Variants in SAMSN1 observed in about 807,000 individuals in gnomAD.
SAMSN1 encodes the protein SAM domain-containing protein SAMSN-1.
Under a neutral mutation model 42.0 loss-of-function variants are expected in SAMSN1, and 31 were observed. The ratio of observed to expected loss-of-function variants is 0.74; its 90% CI spans 0.55 to 1.00. SAMSN1 has a LOEUF of 1.00. Among genes scored for constraint, SAMSN1 ranks in the 50% least tolerant of loss-of-function variants. SAMSN1 has a pLI of 0.00. For missense variants in SAMSN1, 464 were observed against 439.4 expected, an observed-to-expected ratio of 1.06 and a Z score of -0.50; for synonymous variants, 178 against 151.9, an observed-to-expected ratio of 1.17 and a Z score of -1.26.
At chr21:14,520,932 T>C (rs1978423768) in intron 2 of SAMSN1, among the ~76,000 whole-genome samples, 1 of 152,108 alleles carries the variant, frequency 6.6e-6, no homozygotes, top group African/African-American at 2.4e-5. Flanking sequence ...CTACAATGTG[T>C]CTGTGTGCCT....
chr21:14,487,357 A>C (rs988360189), intron 7 of SAMSN1, among the ~76,000 whole-genome samples: 3 of 120,318 alleles, frequency 2.5e-5, no homozygotes, highest in African/African-American at 1.6e-4. Context: ...TTATATATAT[A>C]TATCTATCTT....
chr21:14,487,357 A>ATC (rs1275404488), intron 7 of SAMSN1, among the ~76,000 whole-genome samples: 2 of 120,318 alleles, frequency 1.7e-5, no homozygotes, highest in East Asian at 5.1e-4. Context: ...TTATATATAT[A>ATC]TATCTATCTT....
At chr21:14,637,004 T>TGAA (rs1340215482) in intron 2 of SAMSN1, among the ~76,000 whole-genome samples, 1 of 152,184 alleles carries the variant, frequency 6.6e-6, no homozygotes, top group African/African-American at 2.4e-5. Flanking sequence ...CTTCCCTAAG[T>TGAA]GAAGAGGAGA....
chr21:14,491,932 T>G (rs1986704317), intron 7 of SAMSN1, among the ~76,000 whole-genome samples: 1 of 152,222 alleles, frequency 6.6e-6, no homozygotes, highest in Admixed American at 6.5e-5. Context: ...ATCTACAATT[T>G]GCTTTCACAT....
At chr21:14,537,553 T>C (rs181614978) in intron 1 of SAMSN1, among the ~76,000 whole-genome samples, 4 of 152,228 alleles carry the variant, frequency 2.6e-5, no homozygotes, top group Admixed American at 1.3e-4. Flanking sequence ...GATAAATGAA[T>C]GAACGAATGC....
chr21:14,499,243 GA>G (rs889676126), intron 6 of SAMSN1, among the ~76,000 whole-genome samples: 1 of 152,044 alleles, frequency 6.6e-6, no homozygotes, highest in Non-Finnish European at 1.5e-5. Context: ...TCCGTCATTT[GA>G]ATCAATATGT....
rs529482832 is a variant in SAMSN1, at chr21:14,515,624, CA to C, written c.279+1267del. On this transcript the variant is annotated intron_variant, in intron 3 of 7. Coordinates refer to ENST00000400566, the MANE Select transcript of SAMSN1 (RefSeq NM_022136.5). ...ATATGTTACCAAAAGCACAAGTGAC[CA>C]AAAAAAGATAATTGGACTACAATAA... Among the ~76,000 whole-genome samples, 497 of 151,510 alleles carry C rather than the reference CA, an allele frequency of 3.3e-3. 3 individuals are homozygous for C. Among genetic ancestry groups the C allele is most frequent in the Non-Finnish European group, 5.2e-3 (354 of 67,860 alleles).
chr21:14,563,182 A>G (rs1446993718), intron 2 of SAMSN1, among the ~76,000 whole-genome samples: 1 of 152,030 alleles, frequency 6.6e-6, no homozygotes, highest in Admixed American at 6.6e-5. Context: ...CCTGAGACAC[A>G]ACATGTCTTT....
chr21:14,582,032 T>G lies in SAMSN1; in HGVS notation c.261+104A>C, dbSNP rs1387893902. On this transcript the variant is annotated intron_variant, in intron 2 of 8. Coordinates refer to the SAMSN1 transcript ENST00000285670. ...ACAACTCTTGCTCTGGTAACTTTTC[T>G]GAAACTGATAAATTTCACTGATTAG... The G allele has an allele frequency of 6.9e-6, 8 of 1,163,156 alleles. No individual in the cohort carries two copies. In the African/African-American group the frequency reaches 1.2e-4, roughly 18 times the overall value. The allele number at this position is 1,163,156 out of a possible 1,614,324, so 72.1% of individuals were successfully genotyped here.
At chr21:14,493,112 GGGCAGGCAGGCA>G (rs762533564) in intron 7 of SAMSN1, among the ~76,000 whole-genome samples, 4 of 152,084 alleles carry the variant, frequency 2.6e-5, no homozygotes, top group Non-Finnish European at 5.9e-5. Context: ...GCATCGACTT[GGGCAGGCAGGCA>G]GGCAGGCAGG....
intron 5 of SAMSN1, among the ~76,000 whole-genome samples, chr21:14,607,523 T>C (rs1982597407): frequency 1.3e-5 from 2 of 152,196 alleles, no homozygotes; most frequent in African/African-American, 2.4e-5. Context: ...AAATGTCTGC[T>C]GAGGTTCTTG....
chr21:14,584,885 T>G (rs1156873623), upstream of SAMSN1, among the ~76,000 whole-genome samples: 1 of 152,234 alleles, frequency 6.6e-6, no homozygotes, highest in Non-Finnish European at 1.5e-5. Context: ...GTAAAGGATA[T>G]CTGACATGCA....
Position 14,519,759 on chromosome 21 carries a change from A to G in SAMSN1, c.129+1391T>C, listed in dbSNP as rs73173225. Among the ~76,000 whole-genome samples the G allele has an allele frequency of 3.1e-3, 471 of 152,300 alleles. 2 individuals are homozygous for G. Among genetic ancestry groups the G allele is most frequent in the Middle Eastern group, 0.014 (4 of 294 alleles). On this transcript the variant is annotated intron_variant, in intron 2 of 7. Coordinates refer to ENST00000400566, the MANE Select transcript of SAMSN1 (RefSeq NM_022136.5). The stretch of plus-strand genomic sequence containing the variant: ...TATTGATCTAAAAACCTATTGATCT[A>G]AAAAGAATATATTACCTGTAAGGTT...
chr21:14,555,429 T>C (rs765470921), intron 2 of SAMSN1, among the ~76,000 whole-genome samples: 1 of 152,164 alleles, frequency 6.6e-6, no homozygotes, highest in Non-Finnish European at 1.5e-5. Context: ...TTTAAAACAT[T>C]TGGACATATT....
intron 2 of SAMSN1, among the ~76,000 whole-genome samples, chr21:14,579,859 G>A (rs1981647594): frequency 6.6e-6 from 1 of 152,086 alleles, no homozygotes; most frequent in Non-Finnish European, 1.5e-5. Context: ...TTCATAGGAA[G>A]TATACAAATA....
At position 14,521,027 on chromosome 21, in the gene SAMSN1, T is replaced by C. The variant is rs191125365; in HGVS notation, c.129+123A>G. On this transcript the variant is annotated intron_variant, in intron 2 of 7. Transcript: ENST00000400566. ...TTTGTTCATTTATCACAAAAACATA[T>C]GCAAGGCTATAATTTTAAAATGTAT... The C allele has an allele frequency of 1.5e-3, 961 of 661,486 alleles. 1 individual carries two copies. The highest frequency in any genetic ancestry group is 2.1e-3 in the Non-Finnish European group (799 of 381,794). The allele number at this position is 661,486 out of a possible 1,614,324, so 41.0% of individuals were successfully genotyped here.
At chr21:14,489,831 G>A (rs920356721) in intron 7 of SAMSN1, among the ~76,000 whole-genome samples, 1 of 152,040 alleles carries the variant, frequency 6.6e-6, no homozygotes, top group Admixed American at 6.6e-5. Context: ...TGAAAGAAAA[G>A]GGTGGCATCG....
chr21:14,638,027 C>T lies in SAMSN1; in HGVS notation c.156+4975G>A, dbSNP rs138415299. Among the ~76,000 whole-genome samples the T allele has an allele frequency of 5.2e-3, 792 of 152,178 alleles. 4 individuals are homozygous for T. The highest frequency in any genetic ancestry group is 0.018 in the African/African-American group (739 of 41,518). Reference sequence around the variant, plus strand: ...GAGAGTGGTGGACATAGTAGACTTCCCCTTAACATTCCCCCACCTACCTTC... The same window carrying T: ...GAGAGTGGTGGACATAGTAGACTTCTCCTTAACATTCCCCCACCTACCTTC... On this transcript the variant is annotated intron_variant, in intron 2 of 15. Coordinates refer to the SAMSN1 transcript ENST00000647101.
intron 5 of SAMSN1, among the ~76,000 whole-genome samples, chr21:14,505,968 A>G (rs1987382079): frequency 1.3e-5 from 2 of 152,192 alleles, no homozygotes; most frequent in Non-Finnish European, 2.9e-5. Flanking sequence ...ATGCAAATAT[A>G]TGATCCCTGG....
Sources: allele counts gnomAD v4.1 joint callset (sites outside exome capture counted in the v4.1 genomes callset), GRCh38; gene constraint gnomAD v4.1.1; transcripts MANE v1.5; gene names NCBI Gene and HGNC (gene_info 2026-07-23, HGNC 2026-07-21).